ACOT1: variants seen among roughly 807,000 people sequenced by gnomAD.
ACOT1 encodes the protein acyl-coenzyme A thioesterase 1.
Under a neutral mutation model 15.7 loss-of-function variants are expected in ACOT1, and 8 were observed. The ratio of observed to expected loss-of-function variants is 0.51; its 90% CI spans 0.30 to 0.92. The LOEUF is 0.92. Ranked by LOEUF, ACOT1 falls within the 40% of genes least tolerant of loss-of-function variation. The probability of loss-of-function intolerance (pLI) is 0.06; values close to 1 mark genes in which losing one functional copy is unlikely to be tolerated. For synonymous variants in ACOT1, 67 were observed against 241.2 expected, an observed-to-expected ratio of 0.28 and a Z score of 6.69; for missense variants, 151 against 539.4, an observed-to-expected ratio of 0.28 and a Z score of 7.13.
the ACOT1 span, chr14:73,491,693 G>C: frequency 6.5e-7 from 1 of 1,550,078 alleles, no homozygotes; most frequent in South Asian, 1.2e-5. Flanking sequence ...ATGGGAGCGC[G>C]AGGCGGTGCT....
chr14:73,498,168 C>G, the ACOT1 span: 1 of 1,611,788 alleles, frequency 6.2e-7, no homozygotes, highest in Non-Finnish European at 8.5e-7. Flanking sequence ...AGAACAGCAT[C>G]GTGGTTCTCC....
At chr14:73,534,693 AAAAC>A (rs1197737094), upstream of ACOT1, among the ~76,000 whole-genome samples, 8 of 114,874 alleles carry the variant, frequency 7.0e-5, 1 homozygote, top group African/African-American at 2.0e-4. Flanking sequence ...CCCGTCTTAA[AAAAC>A]AAACAAGCAA....
chr14:73,508,181 T>C, the ACOT1 span: 2 of 1,614,136 alleles, frequency 1.2e-6, no homozygotes, highest in South Asian at 1.1e-5. Context: ...TGTTCCTCAG[T>C]GTCCTCATTC....
chr14:73,493,358 G>A, the ACOT1 span: 1 of 475,686 alleles, frequency 2.1e-6, no homozygotes, highest in Non-Finnish European at 3.8e-6. Flanking sequence ...AAATTTGTAT[G>A]AACCTTAGAA....
upstream of ACOT1, chr14:73,537,047 G>T: frequency 1.2e-5 from 2 of 164,648 alleles, no homozygotes; most frequent in Non-Finnish European, 1.1e-5. Flanking sequence ...GCAGTGGCAT[G>T]ATCTTGGCCA....
chr14:73,527,515 TCTTTA>T, the ACOT1 span: 3 of 150,402 alleles, frequency 2.0e-5, 1 homozygote, highest in Admixed American at 2.0e-4. Flanking sequence ...TTCTTTTGTT[TCTTTA>T]CTTCTCTAAT....
At chr14:73,498,448 G>A in the ACOT1 span, 1 of 992,874 alleles carries the variant, frequency 1.0e-6, no homozygotes, top group African/African-American at 1.6e-5. Context: ...CTTTTGGATG[G>A]TAATCACCAT....
chr14:73,535,483 T>C (rs71426977), upstream of ACOT1, among the ~76,000 whole-genome samples: 1,516 of 46,774 alleles, frequency 0.032, 368 homozygotes, highest in African/African-American at 0.1. Flanking sequence ...TTTTTTTTTT[T>C]TTTTTTTTTT....
At chr14:73,499,092 T>A in the ACOT1 span, 20 of 1,613,976 alleles carry the variant, frequency 1.2e-5, no homozygotes, top group Non-Finnish European at 1.6e-5. Flanking sequence ...AAGGCCTTGA[T>A]TTTCCAGTAA....
chr14:73,506,823 T>TTTTTTTTTTTTTTG, the ACOT1 span, among the ~76,000 whole-genome samples: 1 of 138,132 alleles, frequency 7.2e-6, no homozygotes, highest in African/African-American at 3.2e-5. Context: ...TTTTTTTTTT[T>TTTTTTTTTTTTTTG]TTCTGAGAAG....
chr14:73,520,685 C>T, the ACOT1 span: 1 of 623,898 alleles, frequency 1.6e-6, no homozygotes, highest in Non-Finnish European at 2.8e-6. Context: ...GTTATCACTC[C>T]CCGACCCAAC....
chr14:73,541,867 C>A (rs1311453629), intron 2 of ACOT1, among the ~76,000 whole-genome samples, 172 bp downstream of exon 2: 1 of 113,682 alleles, frequency 8.8e-6, no homozygotes, highest in African/African-American at 2.9e-5. Context: ...CTTCTTCTTT[C>A]TTTTTTTGAG....
the ACOT1 span, among the ~76,000 whole-genome samples, chr14:73,527,995 T>C: frequency 6.7e-6 from 1 of 148,390 alleles, no homozygotes; most frequent in Non-Finnish European, 1.5e-5. Flanking sequence ...AGGAGTGATT[T>C]AGGATGTCCC....
chr14:73,512,321 A>G, the ACOT1 span, among the ~76,000 whole-genome samples: 849 of 152,282 alleles, frequency 5.6e-3, 7 homozygotes, highest in Non-Finnish European at 9.2e-3. Context: ...TTCTCTGATG[A>G]TCCATGTACC....
chr14:73,506,529 G>C, the ACOT1 span: 1 of 1,613,726 alleles, frequency 6.2e-7, no homozygotes, highest in Non-Finnish European at 8.5e-7. Flanking sequence ...TTCTTCCATT[G>C]ACAGCTGTTC....
the ACOT1 span, among the ~76,000 whole-genome samples, chr14:73,503,916 T>C: frequency 2.0e-5 from 3 of 152,146 alleles, no homozygotes; most frequent in African/African-American, 7.2e-5. Flanking sequence ...CATCTTTACC[T>C]CAACCCCTGC....
chr14:73,526,216 G>A, the ACOT1 span, among the ~76,000 whole-genome samples: 1 of 152,196 alleles, frequency 6.6e-6, no homozygotes, highest in Non-Finnish European at 1.5e-5. Context: ...GCAGAATTCT[G>A]CTGGCACCCA....
the ACOT1 span, among the ~76,000 whole-genome samples, chr14:73,509,858 A>T: frequency 1.1e-3 from 64 of 59,170 alleles, 2 homozygotes; most frequent in African/African-American, 4.5e-3. Context: ...ATATATATAT[A>T]TATATATATA....
chr14:73,492,372 G>A, the ACOT1 span: 1 of 1,613,908 alleles, frequency 6.2e-7, no homozygotes, highest in Non-Finnish European at 8.5e-7. This position sits in a 1 kb window ranked among gnomAD's most constrained non-coding sequence, Gnocchi z 4.9. Flanking sequence ...GAGTTTCGGA[G>A]GGGTCTGCCC....
Sources: allele counts gnomAD v4.1 joint callset (sites outside exome capture counted in the v4.1 genomes callset), GRCh38; gene constraint gnomAD v4.1.1; non-coding constraint Gnocchi (gnomAD v3.1); transcripts MANE v1.5; gene names NCBI Gene and HGNC (gene_info 2026-07-23, HGNC 2026-07-21).